SPON1: variants seen among roughly 807,000 people sequenced by gnomAD.
SPON1 encodes the protein spondin-1.
A neutral mutation model predicts 111.7 loss-of-function variants in SPON1; 52 were observed. That is an observed-to-expected ratio of 0.47 (90% CI 0.37 to 0.59). The LOEUF (loss-of-function observed/expected upper bound fraction) is 0.59. SPON1 is among the 20% of genes least tolerant of loss of function. The pLI, the probability that SPON1 is intolerant of heterozygous loss-of-function variation, is 0.00. For synonymous variants in SPON1, 410 were observed against 395.8 expected, an observed-to-expected ratio of 1.04 and a Z score of -0.43; for missense variants, 957 against 1,068.5, an observed-to-expected ratio of 0.90 and a Z score of 1.46.
intron 6 of SPON1, among the ~76,000 whole-genome samples, chr11:14,223,482 T>G (rs1564934575): frequency 6.6e-6 from 1 of 152,214 alleles, no homozygotes; most frequent in Admixed American, 6.5e-5. Context: ...TTATAAGAAT[T>G]ATAAAAATAT....
intron 6 of SPON1, among the ~76,000 whole-genome samples, chr11:14,161,187 ATATC>A (rs1847951831): frequency 7.5e-6 from 1 of 132,872 alleles, no homozygotes; most frequent in African/African-American, 2.9e-5. Flanking sequence ...ATATATTTAT[ATATC>A]TATATATATT....
chr11:14,079,921 T>A lies in SPON1; in HGVS notation c.576T>A (p.Thr192=). The A allele has an allele frequency of 6.2e-7, 1 of 1,613,976 alleles. No individual in the cohort carries two copies. The highest frequency in any genetic ancestry group is 1.3e-5 in the African/African-American group (1 of 75,054). ...CEQDSTFDGV[T]DKPILDCCAC... is the part of the protein sequence containing the mutation. ...CAGATTCCACATTTGATGGGGTGAC[T>A]GACAAACCCATCTTAGACTGCTGTG... Residue 192 remains threonine (T), a synonymous_variant, in exon 5 of 16, where the codon ACT becomes ACA. Coordinates refer to ENST00000576479, the MANE Select transcript of SPON1 (RefSeq NM_006108.4).
At chr11:14,017,364 CATT>C (rs1554914407) in intron 2 of SPON1, among the ~76,000 whole-genome samples, 3 of 152,150 alleles carry the variant, frequency 2.0e-5, no homozygotes, top group Non-Finnish European at 4.4e-5. Flanking sequence ...TTAATTACAT[CATT>C]GTTTTCAGAC....
intron 5 of SPON1, among the ~76,000 whole-genome samples, chr11:14,128,411 C>G (rs535240213): frequency 6.6e-6 from 1 of 152,354 alleles, no homozygotes; most frequent in South Asian, 2.1e-4. Context: ...AATCTTAAAG[C>G]TCCAAAATAA....
At chr11:14,025,546 G>A (rs1391675600) in intron 2 of SPON1, among the ~76,000 whole-genome samples, 3 of 152,314 alleles carry the variant, frequency 2.0e-5, no homozygotes, top group South Asian at 2.1e-4. Context: ...TGGAGCTGTC[G>A]ATTCCACTGC....
chr11:14,247,518 C>T lies in SPON1; in HGVS notation c.890+4122C>T, dbSNP rs138683917. 5.0e-4 allele frequency among the ~76,000 whole-genome samples: 76 copies of T among 152,196 alleles called. 1 individual carries two copies. In the East Asian group the frequency reaches 0.014, roughly 28 times the overall value. On this transcript the variant is annotated intron_variant, in intron 7 of 15. Transcript: ENST00000576479. The stretch of plus-strand genomic sequence containing the variant: ...CTGTGTGAAAGGGTAGATGCGGGAG[C>T]CCAGTGAGGGGGGCTACTTCAGAAA...
At chr11:14,137,392 GACAA>G (rs1847605023) in intron 6 of SPON1, among the ~76,000 whole-genome samples, 1 of 152,134 alleles carries the variant, frequency 6.6e-6, no homozygotes, top group Non-Finnish European at 1.5e-5. Context: ...TAGTGTTTCA[GACAA>G]ACAGTCGTAA....
At chr11:14,258,288 A>C (rs184441566) in intron 11 of SPON1, among the ~76,000 whole-genome samples, 1 of 152,326 alleles carries the variant, frequency 6.6e-6, no homozygotes, top group East Asian at 1.9e-4. Context: ...ACAGCCCCTC[A>C]TCTGTGTTCC....
At chr11:14,173,965 A>T (rs1591399575) in intron 6 of SPON1, among the ~76,000 whole-genome samples, 1 of 152,164 alleles carries the variant, frequency 6.6e-6, no homozygotes, top group Admixed American at 6.6e-5. Context: ...CAGTCTGCCC[A>T]GTGCTTGTAA....
At chr11:14,136,233 C>T (rs911435823) in intron 6 of SPON1, among the ~76,000 whole-genome samples, 1 of 152,180 alleles carries the variant, frequency 6.6e-6, no homozygotes, top group African/African-American at 2.4e-5. Context: ...AGAAGAGCCA[C>T]GTGGCTCAGT....
chr11:14,185,347 T>C (rs1418685775), intron 6 of SPON1, among the ~76,000 whole-genome samples: 6 of 152,238 alleles, frequency 3.9e-5, no homozygotes, highest in African/African-American at 7.2e-5. Flanking sequence ...GATCTATATG[T>C]ATGAACTGTT....
chr11:14,153,541 A>G (rs1040465242), intron 6 of SPON1, among the ~76,000 whole-genome samples: 2 of 152,158 alleles, frequency 1.3e-5, no homozygotes, highest in African/African-American at 2.4e-5. Flanking sequence ...CAATGATTCA[A>G]TCACCTCCCA....
intron 6 of SPON1, among the ~76,000 whole-genome samples, chr11:14,233,322 T>A (rs1848824042): frequency 6.6e-6 from 1 of 152,178 alleles, no homozygotes; most frequent in African/African-American, 2.4e-5. Context: ...CCTGGCCCTA[T>A]GTCGCCAGAC....
At chr11:14,178,614 A>AT (rs1554933376) in intron 6 of SPON1, among the ~76,000 whole-genome samples, 1 of 152,208 alleles carries the variant, frequency 6.6e-6, no homozygotes, top group Non-Finnish European at 1.5e-5. Context: ...AGACTAAACC[A>AT]TCATACCCAA....
intron 4 of SPON1, among the ~76,000 whole-genome samples, chr11:14,075,919 CAA>C (rs1554921408): frequency 6.6e-6 from 1 of 152,110 alleles, no homozygotes; most frequent in Non-Finnish European, 1.5e-5. Flanking sequence ...CTTAGATTTG[CAA>C]ACTTATCAAC....
At chr11:13,997,824 A>G (rs1474581936) in intron 2 of SPON1, among the ~76,000 whole-genome samples, 6 of 152,180 alleles carry the variant, frequency 3.9e-5, no homozygotes, top group Admixed American at 1.3e-4. Context: ...TGGGCTCTCA[A>G]TTGCTGGTTT....
In SPON1 at chr11:14,080,003, C is replaced by T. The variant is rs1554921882; in HGVS notation, c.658C>T (p.His220Tyr). 1.2e-6 allele frequency: 2 copies of T among 1,613,960 alleles called. No homozygotes were observed. The highest frequency in any genetic ancestry group is 2.2e-5 in the East Asian group (1 of 44,876). The change falls in exon 5 of 16, where the codon CAC (histidine) becomes TAC (tyrosine). Residue 220 changes from histidine (H) to tyrosine (Y), a missense_variant. Transcript: ENST00000576479. ...TTATGGGAATTGGTCCGAGAAGACA[C>T]ACCCAAAGGATTACCCTCGTGAGTA... ...TFYGNWSEKTHPKDYPRRANH... is the reference protein window; with the variant it reads ...TFYGNWSEKTYPKDYPRRANH...
At chr11:14,149,937 C>G (rs1847767671) in intron 6 of SPON1, among the ~76,000 whole-genome samples, 1 of 151,928 alleles carries the variant, frequency 6.6e-6, no homozygotes, top group East Asian at 1.9e-4. Context: ...AATCACTTGT[C>G]CTTAAGGCAC....
rs116291068 is a variant in SPON1, at chr11:14,050,887, T to C, written c.479+9233T>C. 6.8e-3 allele frequency among the ~76,000 whole-genome samples: 1,035 copies of C among 152,286 alleles called. 22 individuals carry two copies. Among genetic ancestry groups the C allele is most frequent in the African/African-American group, 0.024 (993 of 41,556 alleles). On this transcript the variant is annotated intron_variant, in intron 3 of 15. Coordinates refer to ENST00000576479, the MANE Select transcript of SPON1 (RefSeq NM_006108.4). ...CTCCTCCACTTCTGAGATGCATACA[T>C]GTGAGTATTCTTAAGATTCTGAACA... is the stretch of plus-strand genomic sequence containing the variant.
Sources: allele counts gnomAD v4.1 joint callset (sites outside exome capture counted in the v4.1 genomes callset), GRCh38; gene constraint gnomAD v4.1.1; transcripts MANE v1.5; gene names NCBI Gene and HGNC (gene_info 2026-07-23, HGNC 2026-07-21).